Variants in EFNA5 observed in about 807,000 individuals in gnomAD.
EFNA5 encodes the protein ephrin A5, also known as ephrin-A5.
EFNA5 carries 5 observed loss-of-function variants against 22.9 expected under a neutral mutation model. The observed-to-expected ratio is 0.22, with a 90% CI of 0.11 to 0.46. The LOEUF (loss-of-function observed/expected upper bound fraction) is 0.46, where lower values mean the gene tolerates loss of function less well. Ranked by LOEUF, EFNA5 falls within the 20% of genes least tolerant of loss-of-function variation. The pLI is 0.99. For synonymous variants in EFNA5, 113 were observed against 112.2 expected (o/e 1.01, Z -0.04); for missense variants, 237 against 293.3 (o/e 0.81, Z 1.40).
chr5:107,567,852 T>A (rs1450933968), intron 1 of EFNA5, among the ~76,000 whole-genome samples: 1 of 152,226 alleles, frequency 6.6e-6, no homozygotes, highest in Non-Finnish European at 1.5e-5. Context: ...GAATGAAGAA[T>A]GTGTTTCTAA....
chr5:107,650,728 G>T (rs868705170), intron 1 of EFNA5, among the ~76,000 whole-genome samples: 1 of 152,052 alleles, frequency 6.6e-6, no homozygotes, highest in Non-Finnish European at 1.5e-5. Context: ...TTTATTCAGG[G>T]AATATCCAGA....
At position 107,580,234 on chromosome 5, in the gene EFNA5, T is replaced by C. The variant is rs1749014425; in HGVS notation, c.125+90255A>G. On this transcript the variant is annotated intron_variant, in intron 1 of 4. Coordinates refer to ENST00000333274, the MANE Select transcript of EFNA5 (RefSeq NM_001962.3). ...AGACCTTATGAACACTGAAGAATGT[T>C]CCATTTAGAGAACATTTTTATAATA... Among the ~76,000 whole-genome samples, 2 of 152,192 alleles carry C rather than the reference T, an allele frequency of 1.3e-5. 1 individual carries two copies. Among genetic ancestry groups the C allele is most frequent in the African/African-American group, 4.8e-5 (2 of 41,446 alleles).
chr5:107,560,583 G>A (rs1216198271), intron 1 of EFNA5, among the ~76,000 whole-genome samples: 3 of 152,136 alleles, frequency 2.0e-5, no homozygotes, highest in Admixed American at 6.5e-5. Flanking sequence ...GGCCACAAAC[G>A]TTAAGTCAAG....
At chr5:107,582,739 T>C (rs984356523) in intron 1 of EFNA5, among the ~76,000 whole-genome samples, 2 of 151,492 alleles carry the variant, frequency 1.3e-5, no homozygotes, top group Admixed American at 1.3e-4. Context: ...TTTATGAAGA[T>C]CTTGTACAAA....
intron 1 of EFNA5, among the ~76,000 whole-genome samples, chr5:107,646,384 T>C (rs1022284740): frequency 6.6e-6 from 1 of 152,144 alleles, no homozygotes; most frequent in Non-Finnish European, 1.5e-5. Context: ...TACTATATGC[T>C]TAAAGGCATT....
At chr5:107,484,415 A>G (rs1483093149) in intron 1 of EFNA5, among the ~76,000 whole-genome samples, 2 of 152,224 alleles carry the variant, frequency 1.3e-5, no homozygotes, top group African/African-American at 2.4e-5. Flanking sequence ...AATAACTTTG[A>G]GGATCTGATT....
At chr5:107,607,496 C>A (rs539311329) in intron 1 of EFNA5, among the ~76,000 whole-genome samples, 1 of 152,114 alleles carries the variant, frequency 6.6e-6, no homozygotes, top group Non-Finnish European at 1.5e-5. Context: ...ACCTTTAAAA[C>A]GAATTATATT....
At chr5:107,633,260 T>C (rs1024654406) in intron 1 of EFNA5, among the ~76,000 whole-genome samples, 2 of 152,230 alleles carry the variant, frequency 1.3e-5, no homozygotes, top group African/African-American at 4.8e-5. Flanking sequence ...TCATGATGAA[T>C]TACAAGTAAG....
At chr5:107,403,633 CCTT>C (rs1449684363) in intron 2 of EFNA5, among the ~76,000 whole-genome samples, 1 of 152,162 alleles carries the variant, frequency 6.6e-6, no homozygotes, top group Non-Finnish European at 1.5e-5. Context: ...AATTTGATGT[CCTT>C]TGCCGCATAT....
intron 1 of EFNA5, among the ~76,000 whole-genome samples, chr5:107,462,991 G>A (rs183296126): frequency 3.9e-5 from 6 of 152,182 alleles, no homozygotes; most frequent in East Asian, 1.9e-4. Flanking sequence ...AGTCACTGGC[G>A]TCCATCCTGA....
chr5:107,456,654 A>T (rs980396781), intron 1 of EFNA5, among the ~76,000 whole-genome samples: 1 of 152,168 alleles, frequency 6.6e-6, no homozygotes, highest in Admixed American at 6.6e-5. Flanking sequence ...TAGTTGAACA[A>T]ACCACACTTG....
chr5:107,647,974 T>C (rs1426508026), intron 1 of EFNA5, among the ~76,000 whole-genome samples: 3 of 152,190 alleles, frequency 2.0e-5, no homozygotes, highest in African/African-American at 7.2e-5. Flanking sequence ...ACAGGTGGAT[T>C]AGATAATATT....
intron 1 of EFNA5, among the ~76,000 whole-genome samples, chr5:107,554,776 G>A (rs1006097158): frequency 6.6e-6 from 1 of 152,164 alleles, no homozygotes; most frequent in East Asian, 1.9e-4. Context: ...ATACTTTGCA[G>A]ATAGGAAAAC....
intron 2 of EFNA5, among the ~76,000 whole-genome samples, chr5:107,403,374 C>T (rs765431189): frequency 6.6e-6 from 1 of 152,094 alleles, no homozygotes; most frequent in Non-Finnish European, 1.5e-5. Flanking sequence ...GCTCTGTGAG[C>T]AATAAAAAAT....
chr5:107,637,331 T>G (rs907664626), intron 1 of EFNA5, among the ~76,000 whole-genome samples: 5 of 152,200 alleles, frequency 3.3e-5, no homozygotes, highest in Non-Finnish European at 5.9e-5. Context: ...ATATTTAGAA[T>G]GACAAGAGAA....
intron 1 of EFNA5, among the ~76,000 whole-genome samples, chr5:107,544,602 C>A (rs981328400): frequency 6.6e-6 from 1 of 152,138 alleles, no homozygotes; most frequent in Admixed American, 6.6e-5. Flanking sequence ...ATCTTCAGAG[C>A]CAACATAAAC....
At chr5:107,430,247 T>G (rs1304906420) in intron 1 of EFNA5, among the ~76,000 whole-genome samples, 1 of 152,234 alleles carries the variant, frequency 6.6e-6, no homozygotes, top group East Asian at 1.9e-4. Context: ...AAAGTTCAGA[T>G]AAAAGGGTGC....
chr5:107,399,310 G>GAAACGGAAAGGA (rs368515815), intron 2 of EFNA5, among the ~76,000 whole-genome samples: 9 of 131,392 alleles, frequency 6.8e-5, no homozygotes, highest in African/African-American at 2.3e-4. Flanking sequence ...AGGAAGGAAG[G>GAAACGGAAAGGA]AAGGAAACGG....
intron 1 of EFNA5, among the ~76,000 whole-genome samples, chr5:107,622,830 G>A (rs1237450598): frequency 2.0e-5 from 3 of 151,278 alleles, no homozygotes; most frequent in African/African-American, 7.3e-5. Flanking sequence ...GACCATCCTG[G>A]CTAACGAGGT....
Sources: allele counts gnomAD v4.1 joint callset (sites outside exome capture counted in the v4.1 genomes callset), GRCh38; gene constraint gnomAD v4.1.1; transcripts MANE v1.5; gene names NCBI Gene and HGNC (gene_info 2026-07-23, HGNC 2026-07-21).